ADCK1: variants seen among roughly 807,000 people sequenced by gnomAD.
The protein encoded by ADCK1 is aarF domain-containing protein kinase 1.
ADCK1 carries 41 observed loss-of-function variants against 52.3 expected under a neutral mutation model. The ratio of observed to expected loss-of-function variants is 0.78; its 90% CI spans 0.61 to 1.02. The LOEUF is 1.02. ADCK1 is among the 50% of genes least tolerant of loss of function. The pLI, the probability that ADCK1 is intolerant of heterozygous loss-of-function variation, is 0.00. For missense variants in ADCK1, 658 were observed against 679.5 expected (o/e 0.97, Z 0.35); for synonymous variants, 250 against 274.6 (o/e 0.91, Z 0.89).
chr14:77,859,026 G>T, intron 3 of ADCK1, 50 bp from the exon 4 acceptor site: 1 of 1,504,824 alleles, frequency 6.6e-7, no homozygotes, highest in South Asian at 1.3e-5. Context: ...ACAAGGTGTA[G>T]GGAACAGTCT....
At chr14:77,864,213 C>T (rs2082614528) in intron 4 of ADCK1, among the ~76,000 whole-genome samples, 1 of 152,120 alleles carries the variant, frequency 6.6e-6, no homozygotes, top group Admixed American at 6.6e-5. Flanking sequence ...TACCGTTGTG[C>T]AACGGGTAGA....
At chr14:77,851,369 G>A (rs903055375) in intron 3 of ADCK1, among the ~76,000 whole-genome samples, 2 of 151,992 alleles carry the variant, frequency 1.3e-5, no homozygotes, top group African/African-American at 2.4e-5. Flanking sequence ...GTCCACTTTG[G>A]CCTCCCAAAG....
At chr14:77,926,846 C>T (rs896251302) in intron 9 of ADCK1, among the ~76,000 whole-genome samples, 6 of 152,158 alleles carry the variant, frequency 3.9e-5, no homozygotes, top group Non-Finnish European at 7.3e-5. Flanking sequence ...CTTATGGGGG[C>T]GAGCTCATTC....
At chr14:77,875,315 C>T (rs1336798653) in intron 4 of ADCK1, among the ~76,000 whole-genome samples, 2 of 151,994 alleles carry the variant, frequency 1.3e-5, no homozygotes, top group African/African-American at 4.8e-5. Flanking sequence ...GCAGGTCATC[C>T]TACTGGCAGT....
intron 6 of ADCK1, chr14:77,900,479 C>T (rs546194317): frequency 6.8e-5 from 27 of 398,496 alleles, no homozygotes; most frequent in South Asian, 4.7e-4. Context: ...CTCAGCTACT[C>T]GGGAGGCTGA....
chr14:77,811,354 G>A (rs1195659234), intron 1 of ADCK1, among the ~76,000 whole-genome samples: 1 of 152,120 alleles, frequency 6.6e-6, no homozygotes, highest in Non-Finnish European at 1.5e-5. Flanking sequence ...AGCAGGTATT[G>A]CTGTTATCCC....
chr14:77,933,370 G>A lies in ADCK1; in HGVS notation c.1551G>A (p.Trp517Ter), dbSNP rs770734050. 6 of 1,613,936 alleles carry A rather than the reference G, an allele frequency of 3.7e-6. No homozygotes were observed. The African/African-American group carries it at 5.3e-5, about 14-fold the overall frequency. ...ACCGGGTCTTGGCCCTAATATGCTGGCTGTTCCCTGCTCCACTCTGAGTGG... is the reference window on the plus strand; with the variant it reads ...ACCGGGTCTTGGCCCTAATATGCTGACTGTTCCCTGCTCCACTCTGAGTGG... ...LADRVLALIC[W>*]LFPAPL The change falls in exon 11 of 11, where the codon TGG (tryptophan) becomes TGA (stop). Residue 517 changes from tryptophan (W) to a stop codon, truncating the protein, a stop_gained. Coordinates refer to ENST00000238561, the MANE Select transcript of ADCK1 (RefSeq NM_020421.4). LOFTEE classifies it high-confidence loss of function.
chr14:77,884,679 C>A (rs973333928), intron 4 of ADCK1, among the ~76,000 whole-genome samples: 1 of 152,230 alleles, frequency 6.6e-6, no homozygotes, highest in Non-Finnish European at 1.5e-5. Flanking sequence ...GCAGCAGAGG[C>A]TTTCTTCTTT....
chr14:77,828,119 C>A (rs750657436), intron 3 of ADCK1: 25 of 180,966 alleles, frequency 1.4e-4, no homozygotes, highest in Admixed American at 4.8e-4. Flanking sequence ...TGAGCCACTG[C>A]GCCCAGCCCA....
At chr14:77,911,403 G>A (rs2083788711) in intron 7 of ADCK1, among the ~76,000 whole-genome samples, 2 of 152,138 alleles carry the variant, frequency 1.3e-5, no homozygotes, top group East Asian at 3.8e-4. Flanking sequence ...CCAATACCTT[G>A]GGCTGCTGGA....
intron 7 of ADCK1, among the ~76,000 whole-genome samples, chr14:77,913,186 G>A (rs1267778097): frequency 2.0e-5 from 3 of 152,228 alleles, no homozygotes; most frequent in Non-Finnish European, 4.4e-5. Context: ...GGAAAGGATT[G>A]TAGAAGTTTG....
intron 5 of ADCK1, among the ~76,000 whole-genome samples, chr14:77,894,051 A>G (rs1038665009): frequency 6.6e-6 from 1 of 152,148 alleles, no homozygotes; most frequent in Non-Finnish European, 1.5e-5. Context: ...TTTCTTTACT[A>G]AATGTGTTGT....
At chr14:77,912,009 C>G (rs2083802506) in intron 7 of ADCK1, among the ~76,000 whole-genome samples, 1 of 152,196 alleles carries the variant, frequency 6.6e-6, no homozygotes, top group Non-Finnish European at 1.5e-5. Flanking sequence ...CCTCCCGGAG[C>G]TAATGCTCTT....
chr14:77,919,723 T>G (rs1434899427), intron 7 of ADCK1, among the ~76,000 whole-genome samples: 1 of 152,222 alleles, frequency 6.6e-6, no homozygotes, highest in South Asian at 2.1e-4. Flanking sequence ...TGTTCCCTTT[T>G]CACCACATCC....
intron 6 of ADCK1, among the ~76,000 whole-genome samples, chr14:77,903,433 A>G (rs191807119): frequency 1.5e-3 from 223 of 152,388 alleles, no homozygotes; most frequent in African/African-American, 5.2e-3. Flanking sequence ...TAAGAACCTC[A>G]GCCCTGTGCT....
intron 3 of ADCK1, among the ~76,000 whole-genome samples, chr14:77,847,531 C>T (rs1389697346): frequency 3.3e-5 from 5 of 152,204 alleles, no homozygotes; most frequent in Non-Finnish European, 5.9e-5. Context: ...GATCCTGCTA[C>T]TGCCCTCCAG....
intron 7 of ADCK1, among the ~76,000 whole-genome samples, chr14:77,908,903 T>C (rs1030349439): frequency 6.6e-6 from 1 of 151,736 alleles, no homozygotes; most frequent in Non-Finnish European, 1.5e-5. Flanking sequence ...GCAGGATGAG[T>C]AGGAGTTTTC....
intron 1 of ADCK1, among the ~76,000 whole-genome samples, chr14:77,808,209 G>C (rs984969703): frequency 6.6e-6 from 1 of 152,180 alleles, no homozygotes; most frequent in African/African-American, 2.4e-5. Context: ...GGGGTCAAGA[G>C]TGTTAAGCCA....
Position 77,924,303 on chromosome 14 carries a change from T to C in ADCK1, c.859-154T>C, listed in dbSNP as rs546722850. On this transcript the variant is annotated intron_variant, in intron 7 of 10. Coordinates refer to ENST00000238561, the MANE Select transcript of ADCK1 (RefSeq NM_020421.4). ...TAAGAAATCTTAAACTCAAAGAGTA[T>C]GTCATCTCAAACAATCACTCCCACC... 7.9e-6 allele frequency: 7 copies of C among 889,528 alleles called. No individual in the cohort carries two copies. The African/African-American group carries it at 1.0e-4, about 13-fold the overall frequency. The allele number at this position is 889,528 out of a possible 1,614,324, so 55.1% of individuals were successfully genotyped here.
Sources: gnomAD v4.1 joint callset for allele counts (sites outside exome capture counted in the v4.1 genomes callset) on GRCh38, gnomAD v4.1.1 for gene constraint, MANE v1.5 for transcripts, NCBI Gene and HGNC (gene_info 2026-07-23, HGNC 2026-07-21) for gene names.